KLHL1: variants seen among roughly 807,000 people sequenced by gnomAD.
The protein encoded by KLHL1 is kelch-like protein 1.
Under a neutral mutation model 77.7 loss-of-function variants are expected in KLHL1, and 47 were observed. The observed-to-expected ratio is 0.60, with a 90% CI of 0.48 to 0.77. The LOEUF is 0.77. KLHL1 is among the 30% of genes least tolerant of loss of function. The pLI is 0.00. For synonymous variants in KLHL1, 360 were observed against 325.2 expected, an observed-to-expected ratio of 1.11 and a Z score of -1.15; for missense variants, 925 against 910.8, an observed-to-expected ratio of 1.02 and a Z score of -0.20.
intron 1 of KLHL1, among the ~76,000 whole-genome samples, chr13:69,996,714 C>A (rs1415561199): frequency 1.3e-5 from 2 of 151,950 alleles, no homozygotes; most frequent in East Asian, 3.9e-4. Context: ...TACCAACACA[C>A]TTTTCCATAT....
chr13:69,961,003 A>C (rs1423079037), intron 3 of KLHL1, among the ~76,000 whole-genome samples: 1 of 151,978 alleles, frequency 6.6e-6, no homozygotes, highest in Non-Finnish European at 1.5e-5. Flanking sequence ...TCCTAAGCAA[A>C]CATGGACATA....
chr13:70,022,281 T>TGTGTGTGTGTG lies in KLHL1; in HGVS notation c.498-46480_498-46479insCACACACACAC, dbSNP rs67661890. Among the ~76,000 whole-genome samples, 267 of 134,700 alleles carry TGTGTGTGTGTG rather than the reference T, an allele frequency of 2.0e-3. 3 individuals are homozygous for TGTGTGTGTGTG. Among genetic ancestry groups the TGTGTGTGTGTG allele is most frequent in the African/African-American group, 7.6e-3 (249 of 32,876 alleles). 88.4% of individuals were successfully genotyped at this position (134,700 alleles called of 152,430 possible). A position where few individuals can be genotyped will look rare whatever the true frequency, so the allele number is the denominator to read the frequency against. On this transcript the variant is annotated intron_variant, in intron 1 of 10. Coordinates refer to ENST00000377844, the MANE Select transcript of KLHL1 (RefSeq NM_020866.3). Reference sequence around the variant, plus strand: ...AAAGGTAAGTTGATTACGTGTGTGTTTGTGTGTGTGTGTGTGTGTGTGTAT... The same window carrying TGTGTGTGTGTG: ...AAAGGTAAGTTGATTACGTGTGTGTTGTGTGTGTGTGTGTGTGTGTGTGTGTGTGTGTGTAT...
At position 69,940,092 on chromosome 13, in the gene KLHL1, G is replaced by C. The variant is rs754042341; in HGVS notation, c.962C>G (p.Ala321Gly). ...PSNCLGIRAF[A>G]DAQGCIELMK... ...TAACTCAATGCATCCTTGAGCATCT[G>C]CGAAGGCTCGAATTCCTAAACAGTT... Residue 321 changes from alanine to glycine, a missense_variant, in exon 4 of 11, where the codon GCA becomes GGA. Transcript: ENST00000377844. 3 of 1,612,770 alleles carry C rather than the reference G, an allele frequency of 1.9e-6. No homozygotes were observed. The highest frequency in any genetic ancestry group is 2.5e-6 in the Non-Finnish European group (3 of 1,179,402).
intron 1 of KLHL1, among the ~76,000 whole-genome samples, chr13:70,105,045 C>G (rs1441549): frequency 0.22 from 33,332 of 151,796 alleles, 3,878 homozygotes; most frequent in Admixed American, 0.29. Flanking sequence ...CAAATACATA[C>G]AGTGCTAGCT....
At chr13:69,732,976 C>A (rs1292391417) in intron 8 of KLHL1, among the ~76,000 whole-genome samples, 1 of 151,992 alleles carries the variant, frequency 6.6e-6, no homozygotes, top group Non-Finnish European at 1.5e-5. Flanking sequence ...TAGTTCTCCA[C>A]CCCCAGGAGA....
chr13:70,101,278 A>T (rs1887914250), intron 1 of KLHL1, among the ~76,000 whole-genome samples: 1 of 152,098 alleles, frequency 6.6e-6, no homozygotes, highest in Non-Finnish European at 1.5e-5. Flanking sequence ...TCCTTCAACT[A>T]GCATGTTTCA....
chr13:70,091,127 A>C (rs1017438251), intron 1 of KLHL1, among the ~76,000 whole-genome samples: 1 of 151,932 alleles, frequency 6.6e-6, no homozygotes, highest in Non-Finnish European at 1.5e-5. Flanking sequence ...TCTGTTTTCT[A>C]TCATCCTTCT....
intron 7 of KLHL1, 68 bp downstream of exon 7, chr13:69,796,670 A>G (rs1173062782): frequency 2.7e-6 from 3 of 1,122,268 alleles, no homozygotes; most frequent in Non-Finnish European, 3.9e-6. Flanking sequence ...TCAATAATAT[A>G]TTTTATCATA....
At chr13:69,863,827 C>T (rs1187629800) in intron 5 of KLHL1, among the ~76,000 whole-genome samples, 2 of 151,984 alleles carry the variant, frequency 1.3e-5, no homozygotes, top group Admixed American at 6.6e-5. Flanking sequence ...ACTTAACTGT[C>T]AGTAATAATT....
chr13:69,896,471 A>G (rs1286939321), intron 4 of KLHL1, among the ~76,000 whole-genome samples: 1 of 152,088 alleles, frequency 6.6e-6, no homozygotes, highest in African/African-American at 2.4e-5. Flanking sequence ...TTCATACCAC[A>G]GTGTGCCCGC....
chr13:69,835,764 A>G (rs1318282024), intron 6 of KLHL1, among the ~76,000 whole-genome samples: 1 of 152,138 alleles, frequency 6.6e-6, no homozygotes, highest in East Asian at 1.9e-4. Flanking sequence ...AGATGTTGAA[A>G]TTATTAGCCC....
At chr13:69,831,010 A>G (rs114857704) in intron 6 of KLHL1, among the ~76,000 whole-genome samples, 6,466 of 149,736 alleles carry the variant, frequency 0.043, 911 homozygotes, top group African/African-American at 0.15. Context: ...AAGAGCACAA[A>G]CAGACAATCA....
chr13:70,106,306 G>C (rs908738718), intron 1 of KLHL1, among the ~76,000 whole-genome samples: 18 of 152,068 alleles, frequency 1.2e-4, no homozygotes, highest in African/African-American at 4.3e-4. Context: ...GATATCACAT[G>C]AATCTAAATG....
intron 6 of KLHL1, among the ~76,000 whole-genome samples, chr13:69,816,840 C>A (rs1476012915): frequency 6.6e-6 from 1 of 152,076 alleles, no homozygotes; most frequent in Non-Finnish European, 1.5e-5. Context: ...TGCCTGCAGT[C>A]CCAGCTATTC....
chr13:69,971,922 A>G (rs1884392685), intron 2 of KLHL1, among the ~76,000 whole-genome samples: 1 of 152,072 alleles, frequency 6.6e-6, no homozygotes, highest in South Asian at 2.1e-4. Flanking sequence ...CTGACAATCT[A>G]CTATAGACAT....
intron 6 of KLHL1, among the ~76,000 whole-genome samples, chr13:69,797,473 T>C (rs1031198148): frequency 5.3e-5 from 8 of 152,164 alleles, no homozygotes; most frequent in Non-Finnish European, 1.2e-4. Context: ...GTAAGATATA[T>C]AAGCAAATAT....
intron 1 of KLHL1, among the ~76,000 whole-genome samples, chr13:69,994,167 T>C (rs574567345): frequency 3.3e-5 from 5 of 152,154 alleles, no homozygotes; most frequent in African/African-American, 9.6e-5. Context: ...GACAAGCATA[T>C]GGAAGAATCA....
In KLHL1 at chr13:69,733,932, G is replaced by A. The variant is rs922182883; in HGVS notation, c.1802+6462C>T. ...CATTATTCTTAATAGTCAAGAAGAG[G>A]AAACAACTGAAATATCCAACTACAC... On this transcript the variant is annotated intron_variant, in intron 8 of 10. Coordinates refer to ENST00000377844, the MANE Select transcript of KLHL1 (RefSeq NM_020866.3). Among the ~76,000 whole-genome samples the A allele has an allele frequency of 2.0e-5, 3 of 152,102 alleles. No homozygotes were observed. The South Asian group carries it at 6.2e-4, about 32-fold the overall frequency.
chr13:69,827,929 AGATAAGTTTGTTGTTG>A (rs1248763917), intron 6 of KLHL1, among the ~76,000 whole-genome samples: 3 of 150,284 alleles, frequency 2.0e-5, no homozygotes, highest in Admixed American at 1.3e-4. Flanking sequence ...AATACTCTCA[AGATAAGTTTGTTGTTG>A]GAAGTAAATA....
Sources: gnomAD v4.1 joint callset for allele counts (sites outside exome capture counted in the v4.1 genomes callset) on GRCh38, gnomAD v4.1.1 for gene constraint, MANE v1.5 for transcripts, NCBI Gene and HGNC (gene_info 2026-07-23, HGNC 2026-07-21) for gene names.